Variants in GPR83 observed in about 807,000 individuals in gnomAD.
GPR83 encodes the protein G-protein coupled receptor 72.
GPR83 carries 23 observed loss-of-function variants against 28.0 expected under a neutral mutation model. That is an observed-to-expected ratio of 0.82 (90% CI 0.59 to 1.16). GPR83 has a LOEUF of 1.16. Ranked by LOEUF, GPR83 falls within the 50% of genes most tolerant of loss-of-function variation. The pLI, the probability that GPR83 is intolerant of heterozygous loss-of-function variation, is 0.00. For synonymous variants in GPR83, 234 were observed against 215.4 expected, an observed-to-expected ratio of 1.09 and a Z score of -0.76; for missense variants, 610 against 536.6, an observed-to-expected ratio of 1.14 and a Z score of -1.35.
chr11:94,381,579 G>GTGTGCA (rs1554991066), intron 3 of GPR83, among the ~76,000 whole-genome samples: 36 of 104,026 alleles, frequency 3.5e-4, no homozygotes, highest in African/African-American at 1.1e-3. Context: ...GTGTGTGTGT[G>GTGTGCA]CGCGCGTGCT....
chr11:94,393,536 A>G lies in GPR83; in HGVS notation c.596T>C (p.Phe199Ser), dbSNP rs755800073. Residue 199 changes from phenylalanine (F) to serine (S), a missense_variant, in exon 3 of 4, where the codon TTC (phenylalanine) becomes TCC (serine). By Grantham distance (155) the Phe-to-Ser change is radical (BLOSUM62 -2). Transcript: ENST00000243673. Reference sequence around the variant, plus strand: ...GCAGATAGCATGTGGGAGTGAAAAGAACGTAGCCATGGTCCAGATGACAGC... The same window carrying G: ...GCAGATAGCATGTGGGAGTGAAAAGGACGTAGCCATGGTCCAGATGACAGC... Reference protein sequence around the residue: ...YIAVIWTMATFFSLPHAICQK... With the variant: ...YIAVIWTMATSFSLPHAICQK... The G allele has an allele frequency of 1.2e-6, 2 of 1,613,960 alleles. No individual in the cohort carries two copies. Among genetic ancestry groups the G allele is most frequent in the Non-Finnish European group, 1.7e-6 (2 of 1,179,834 alleles).
chr11:94,399,950 C>T (rs1944895782), intron 1 of GPR83, among the ~76,000 whole-genome samples: 1 of 152,144 alleles, frequency 6.6e-6, no homozygotes, highest in Non-Finnish European at 1.5e-5. Flanking sequence ...GTGCAAATGC[C>T]CCCAGCCTGC....
chr11:94,389,002 C>G (rs559033992), intron 3 of GPR83, among the ~76,000 whole-genome samples: 24 of 152,096 alleles, frequency 1.6e-4, no homozygotes, highest in East Asian at 7.7e-4. Context: ...CAGAACAGAG[C>G]CCTCAGAAAT....
In GPR83 at chr11:94,380,606, A is replaced by G. The variant is rs762978539; in HGVS notation, c.815T>C (p.Ile272Thr). ...GTACTGCTCTGTGGTCACATCGCCAATCATATTACACAGCCACAGTTTCTT... is the reference window on the plus strand; with the variant it reads ...GTACTGCTCTGTGGTCACATCGCCAGTCATATTACACAGCCACAGTTTCTT... ...VAKKLWLCNM[I>T]GDVTTEQYFA... The change falls in exon 4 of 4, where the codon ATT becomes ACT. Residue 272 changes from isoleucine (I) to threonine (T), a missense_variant. Transcript: ENST00000243673. 1.4e-4 allele frequency: 226 copies of G among 1,614,136 alleles called. No individual in the cohort carries two copies. Among genetic ancestry groups the G allele is most frequent in the Middle Eastern group, 3.3e-4 (2 of 6,058 alleles).
At position 94,380,416 on chromosome 11, in the gene GPR83, C is replaced by T. The variant is rs374265424; in HGVS notation, c.1005G>A (p.Met335Ile). The change falls in exon 4 of 4, where the codon ATG becomes ATA. Residue 335 changes from methionine to isoleucine, a missense_variant. Physicochemically the swap from Met to Ile is conservative, Grantham distance 10. Coordinates refer to ENST00000243673, the MANE Select transcript of GPR83 (RefSeq NM_016540.4). ...ALYFAFHWFA[M>I]SSTCYNPFIY... ...TGAAGGGGTTATAGCAGGTGCTGCT[C>T]ATGGCAAACCAGTGGAAGGCAAAGT... The T allele has an allele frequency of 1.9e-6, 3 of 1,614,072 alleles. No homozygotes were observed. In the African/African-American group the frequency reaches 4.0e-5, roughly 22 times the overall value.
chr11:94,380,397 G>T lies in GPR83; in HGVS notation c.1024C>A (p.Pro342Thr). The change falls in exon 4 of 4, where the codon CCC (proline) becomes ACC (threonine). Residue 342 changes from proline to threonine, a missense_variant. Transcript: ENST00000243673. ...WFAMSSTCYN[P>T]FIYCWLNENF... ...TCGTTCAGCCAGCAGTATATGAAGGGGTTATAGCAGGTGCTGCTCATGGCA... is the reference window on the plus strand; with the variant it reads ...TCGTTCAGCCAGCAGTATATGAAGGTGTTATAGCAGGTGCTGCTCATGGCA... 6.2e-7 allele frequency: 1 copy of T among 1,614,178 alleles called. No individual in the cohort carries two copies. Among genetic ancestry groups the T allele is most frequent in the Non-Finnish European group, 8.5e-7 (1 of 1,180,014 alleles).
Position 94,395,987 on chromosome 11 carries a change from A to G in GPR83, c.513+412T>C, listed in dbSNP as rs553103426. Among the ~76,000 whole-genome samples the G allele has an allele frequency of 1.6e-4, 24 of 152,348 alleles. No individual in the cohort carries two copies. The South Asian group carries it at 5.0e-3, about 32-fold the overall frequency. ...GTAATTCCAGCACTTTGGGAGGCTGAGGCGGGTGGATCACCTGAGGTCAGG... is the reference window on the plus strand; with the variant it reads ...GTAATTCCAGCACTTTGGGAGGCTGGGGCGGGTGGATCACCTGAGGTCAGG... On this transcript the variant is annotated intron_variant, in intron 2 of 3. Transcript: ENST00000243673.
chr11:94,401,309 G>A lies in GPR83; in HGVS notation c.-62C>T. 2 of 1,469,942 alleles carry A rather than the reference G, an allele frequency of 1.4e-6. No homozygotes were observed. The highest frequency in any genetic ancestry group is 2.7e-5 in the South Asian group (2 of 73,932). 91.1% of individuals were successfully genotyped at this position (1,469,942 alleles called of 1,614,324 possible). A position where few individuals can be genotyped will look rare whatever the true frequency, so the allele number is the denominator to read the frequency against. ...CCGGGCGTCCCCTCCCGCTGGGATC[G>A]GAGCGCGCAGCCGGGGTGCGGGGCG... On this transcript the variant is annotated 5_prime_UTR_variant, in exon 1 of 4. The change creates a premature stop within an existing upstream ORF in the 5' untranslated region. Transcript: ENST00000243673.
Position 94,401,373 on chromosome 11 carries a change from G to A in GPR83, c.-126C>T, listed in dbSNP as rs1944911030. 2 of 905,418 alleles carry A rather than the reference G, an allele frequency of 2.2e-6. No individual in the cohort carries two copies. The highest frequency in any genetic ancestry group is 1.8e-5 in the African/African-American group (1 of 56,464). 56.1% of individuals were successfully genotyped at this position (905,418 alleles called of 1,614,324 possible). A position where few individuals can be genotyped will look rare whatever the true frequency, so the allele number is the denominator to read the frequency against. On this transcript the variant is annotated 5_prime_UTR_variant, in exon 1 of 4. Coordinates refer to ENST00000243673, the MANE Select transcript of GPR83 (RefSeq NM_016540.4). Reference sequence around the variant, plus strand: ...GCCGTCCCGAGGAGCCAGGGAGCCCGGACGCGCGGAGCACCGCGCCGCCCG... The same window carrying A: ...GCCGTCCCGAGGAGCCAGGGAGCCCAGACGCGCGGAGCACCGCGCCGCCCG...
intron 3 of GPR83, among the ~76,000 whole-genome samples, chr11:94,388,971 C>T (rs1017828764): frequency 6.6e-6 from 1 of 152,108 alleles, no homozygotes; most frequent in African/African-American, 2.4e-5. Context: ...GGTACCAAAA[C>T]AGAGATATAA....
chr11:94,401,214 G>A lies in GPR83; in HGVS notation c.34C>T (p.Pro12Ser). 1 of 1,612,116 alleles carries A rather than the reference G, an allele frequency of 6.2e-7. No individual in the cohort carries two copies. The highest frequency in any genetic ancestry group is 8.5e-7 in the Non-Finnish European group (1 of 1,179,438). Residue 12 changes from proline (P) to serine (S), a missense_variant, in exon 1 of 4, where the codon CCC becomes TCC. By Grantham distance (74) the Pro-to-Ser change is moderately conservative (BLOSUM62 -1). Transcript: ENST00000243673. ...TGGGGCTCGGTGGCTCGCACCAAGG[G>A]GAGGAGACAGAGCAGCAAGAGGTGA... Reference protein sequence around the residue: ...VPHLLLLCLLPLVRATEPHEG... With the variant: ...VPHLLLLCLLSLVRATEPHEG...
chr11:94,400,800 A>G (rs1384035632), intron 1 of GPR83, 61 bp downstream of exon 1: 2 of 1,532,190 alleles, frequency 1.3e-6, no homozygotes, highest in East Asian at 2.2e-5. Context: ...GAGGCCAGAG[A>G]ACTGAGAGAG....
rs370525595 is a variant in GPR83, at chr11:94,380,575, G to A, written c.846C>T (p.Ala282=). The stretch of plus-strand genomic sequence containing the variant: ...TGGTCTTCTTCTTTTTGCGCCGCAG[G>A]GCAAAGTACTGCTCTGTGGTCACAT... ...IGDVTTEQYF[A]LRRKKKKTIK... The change falls in exon 4 of 4, where the codon GCC becomes GCT. Residue 282 remains alanine, a synonymous_variant. Coordinates refer to ENST00000243673, the MANE Select transcript of GPR83 (RefSeq NM_016540.4). 7 of 1,613,952 alleles carry A rather than the reference G, an allele frequency of 4.3e-6. No individual in the cohort carries two copies. The highest frequency in any genetic ancestry group is 5.9e-6 in the Non-Finnish European group (7 of 1,179,950).
chr11:94,385,529 G>A (rs1358413052), intron 3 of GPR83, among the ~76,000 whole-genome samples: 1 of 152,204 alleles, frequency 6.6e-6, no homozygotes, highest in East Asian at 1.9e-4. Flanking sequence ...GAAAACCATG[G>A]CACAAGAACT....
chr11:94,392,812 C>T (rs942451185), intron 3 of GPR83, among the ~76,000 whole-genome samples: 3 of 150,840 alleles, frequency 2.0e-5, no homozygotes, highest in Non-Finnish European at 3.0e-5. Context: ...GGCAATAAAA[C>T]GAGACTCTGT....
At chr11:94,381,085 G>T (rs535700183) in intron 3 of GPR83, among the ~76,000 whole-genome samples, 54 of 152,104 alleles carry the variant, frequency 3.6e-4, no homozygotes, top group Non-Finnish European at 6.6e-4. Flanking sequence ...CATGTTTCCA[G>T]GTTGAAAACT....
rs1381163458 is a variant in GPR83, at chr11:94,401,161, C to A, written c.87G>T (p.Ala29=). 6.2e-7 allele frequency: 1 copy of A among 1,614,020 alleles called. No homozygotes were observed. The highest frequency in any genetic ancestry group is 1.1e-5 in the South Asian group (1 of 91,076). ...PHEGRADEQS[A]EAALAVPNAS... ...CATTGGGCACGGCCAGGGCCGCCTC[C>A]GCGCTCTGCTCGTCGGCCCGGCCCT... Residue 29 remains alanine, a synonymous_variant, in exon 1 of 4, where the codon GCG becomes GCT. Coordinates refer to ENST00000243673, the MANE Select transcript of GPR83 (RefSeq NM_016540.4).
chr11:94,384,601 G>A (rs1944728853), intron 3 of GPR83, among the ~76,000 whole-genome samples: 1 of 152,176 alleles, frequency 6.6e-6, no homozygotes, highest in South Asian at 2.1e-4. Context: ...CCAAGGAAAG[G>A]GGTGACAGAC....
At chr11:94,386,218 C>A (rs1277981128) in intron 3 of GPR83, among the ~76,000 whole-genome samples, 1 of 152,166 alleles carries the variant, frequency 6.6e-6, no homozygotes, top group Non-Finnish European at 1.5e-5. Flanking sequence ...TGGAAAGGAA[C>A]AACTGGTACC....
Sources: allele counts gnomAD v4.1 joint callset (sites outside exome capture counted in the v4.1 genomes callset), GRCh38; gene constraint gnomAD v4.1.1; transcripts MANE v1.5; gene names NCBI Gene and HGNC (gene_info 2026-07-23, HGNC 2026-07-21).